The following FBXO10 variants were observed in gnomAD, a reference collection of about 807,000 sequenced individuals.
FBXO10 encodes F-box only protein 10.
In FBXO10, 39 loss-of-function variants were observed where a neutral mutation model predicts 80.7. The observed-to-expected ratio is 0.48, with a 90% CI of 0.37 to 0.63. The LOEUF (loss-of-function observed/expected upper bound fraction) is 0.63, where lower values mean the gene tolerates loss of function less well. Ranked by LOEUF, FBXO10 falls within the 30% of genes least tolerant of loss-of-function variation. FBXO10 has a pLI of 0.00. For missense variants in FBXO10, 1,025 were observed against 1,269.0 expected (o/e 0.81, Z 2.92); for synonymous variants, 449 against 489.6 (o/e 0.92, Z 1.09).
chr9:37,516,013 G>A lies in FBXO10; in HGVS notation c.2587C>T (p.Gln863Ter), dbSNP rs751192176. The A allele has an allele frequency of 1.2e-6, 2 of 1,614,078 alleles. No individual in the cohort carries two copies. Among genetic ancestry groups the A allele is most frequent in the Non-Finnish European group, 1.7e-6 (2 of 1,179,902 alleles). The change falls in exon 10 of 11, where the codon CAG (glutamine) becomes TAG (stop). Residue 863 changes from glutamine (Q) to a stop codon, truncating the protein, a stop_gained. Transcript: ENST00000432825. LOFTEE classifies it high-confidence loss of function. ...TTGCCCTGGAAGATGATGTTTTCCT[G>A]CACCAGGGCCTTGGCACGGCCCCGC... Reference protein sequence around the residue: ...AVRGRAKALVQENIIFQGKTS... With the variant: ...AVRGRAKALV
At chr9:37,554,591 G>A (rs1179799852) in intron 1 of FBXO10, among the ~76,000 whole-genome samples, 1 of 152,080 alleles carries the variant, frequency 6.6e-6, no homozygotes, top group Non-Finnish European at 1.5e-5. Flanking sequence ...GGCAACCACT[G>A]TTTTCTTTTC....
At chr9:37,569,749 T>C (rs745693078) in intron 1 of FBXO10, among the ~76,000 whole-genome samples, 16 of 152,166 alleles carry the variant, frequency 1.1e-4, no homozygotes, top group Non-Finnish European at 1.6e-4. Context: ...AGCAGGAGGA[T>C]TGCTTGAGCC....
chr9:37,554,894 G>C (rs1050578947), intron 1 of FBXO10, among the ~76,000 whole-genome samples: 1 of 152,186 alleles, frequency 6.6e-6, no homozygotes, highest in Non-Finnish European at 1.5e-5. Context: ...TAATGCTGCT[G>C]TGAATATTCT....
chr9:37,522,843 C>G lies in FBXO10; in HGVS notation c.1912G>C (p.Glu638Gln). The change falls in exon 7 of 11, where the codon GAA (glutamate) becomes CAA (glutamine). Residue 638 changes from glutamate to glutamine, a missense_variant. Physicochemically the swap from Glu to Gln is conservative, Grantham distance 29. Around this residue, in one of 3 missense-constraint regions of FBXO10, gnomAD observed 478 missense variants for 667.8 expected, o/e 0.72. Coordinates refer to ENST00000432825, the MANE Select transcript of FBXO10 (RefSeq NM_012166.3). ...VVGDEGKGLIEGNTIYANKGC... is the reference protein window; with the variant it reads ...VVGDEGKGLIQGNTIYANKGC... ...TCCTCACCGTAGATGGTATTTCCTT[C>G]TATGAGGCCTTTGCCTTCGTCTCCC... The G allele has an allele frequency of 6.4e-7, 1 of 1,552,364 alleles. No homozygotes were observed. The highest frequency in any genetic ancestry group is 1.4e-5 in the African/African-American group (1 of 73,180).
intron 2 of FBXO10, among the ~76,000 whole-genome samples, chr9:37,540,334 C>T (rs147542981): frequency 8.2e-4 from 125 of 152,062 alleles, no homozygotes; most frequent in Non-Finnish European, 1.7e-3. Flanking sequence ...ATTACAGGCA[C>T]CTGCCACCAT....
At chr9:37,543,608 C>T (rs1021441560) in intron 1 of FBXO10, among the ~76,000 whole-genome samples, 2 of 152,206 alleles carry the variant, frequency 1.3e-5, no homozygotes, top group Admixed American at 1.3e-4. Flanking sequence ...TTCTCTATAG[C>T]ACTGCAGGTC....
intron 5 of FBXO10, among the ~76,000 whole-genome samples, chr9:37,527,866 G>GT (rs1420779152): frequency 1.3e-5 from 2 of 152,016 alleles, no homozygotes; most frequent in African/African-American, 4.8e-5. Context: ...ACCACTAATT[G>GT]TTTTTAGTAA....
intron 8 of FBXO10, among the ~76,000 whole-genome samples, chr9:37,520,264 C>T (rs943371707): frequency 1.0e-4 from 14 of 136,182 alleles, no homozygotes; most frequent in Non-Finnish European, 1.7e-4. Flanking sequence ...GTGAACTACA[C>T]AGTAATTATT....
At chr9:37,516,245 G>A (rs1821176469) in intron 9 of FBXO10, among the ~76,000 whole-genome samples, 160 bp from the exon 10 acceptor site, 1 of 151,996 alleles carries the variant, frequency 6.6e-6, no homozygotes, top group Admixed American at 6.5e-5. Context: ...AGAACAGCCT[G>A]GGGGAGCCAG....
chr9:37,561,673 G>A (rs748137924), intron 1 of FBXO10, among the ~76,000 whole-genome samples: 16 of 152,158 alleles, frequency 1.1e-4, no homozygotes, highest in Admixed American at 2.6e-4. Context: ...ACAAACATTC[G>A]TTGATTGCCT....
At chr9:37,515,117 C>T (rs7852508) in intron 10 of FBXO10, 3,502 of 152,340 alleles carry the variant, frequency 0.023, 120 homozygotes, top group African/African-American at 0.08. Context: ...GTGACATTGG[C>T]GGTGCAGGAG....
chr9:37,553,011 G>A (rs1024863531), intron 1 of FBXO10, among the ~76,000 whole-genome samples: 1 of 116,502 alleles, frequency 8.6e-6, no homozygotes, highest in African/African-American at 3.7e-5. Context: ...ACCAATTCAG[G>A]TTGTGTGTGT....
intron 7 of FBXO10, 26 bp downstream of exon 7, chr9:37,522,799 G>T: frequency 6.4e-7 from 1 of 1,550,870 alleles, no homozygotes. Context: ...CTGCCTCCCC[G>T]GCTGGGTTGG....
intron 1 of FBXO10, among the ~76,000 whole-genome samples, chr9:37,562,375 G>C (rs1159753604): frequency 1.3e-5 from 2 of 152,192 alleles, no homozygotes; most frequent in African/African-American, 4.8e-5. Flanking sequence ...GGATCTGTGA[G>C]GGGGCAGAGG....
At chr9:37,551,096 G>A (rs1440746323) in intron 1 of FBXO10, among the ~76,000 whole-genome samples, 1 of 152,198 alleles carries the variant, frequency 6.6e-6, no homozygotes, top group Non-Finnish European at 1.5e-5. Context: ...AAACAGACAA[G>A]AAGAAAAAAG....
intron 1 of FBXO10, among the ~76,000 whole-genome samples, chr9:37,574,284 G>C (rs1822837260): frequency 6.6e-6 from 1 of 152,176 alleles, no homozygotes; most frequent in South Asian, 2.1e-4. Flanking sequence ...AAGGAAAAAA[G>C]GAGGGAGGGA....
chr9:37,541,418 C>T lies in FBXO10; in HGVS notation c.351G>A (p.Glu117=), dbSNP rs376999421. 5 of 1,613,902 alleles carry T rather than the reference C, an allele frequency of 3.1e-6. No individual in the cohort carries two copies. The highest frequency in any genetic ancestry group is 1.7e-5 in the Admixed American group (1 of 60,014). ...CCAAGGCACTGCCCAGGCTGTCAAA[C>T]TCACGGCCTGGCCCAACACTCAGGG... ...RRTLSVGPGR[E]FDSLGSALAM... Residue 117 remains glutamate, a synonymous_variant, in exon 2 of 11, where the codon GAG becomes GAA. Coordinates refer to ENST00000432825, the MANE Select transcript of FBXO10 (RefSeq NM_012166.3).
At chr9:37,535,355 ATTT>A (rs59049731) in intron 3 of FBXO10, among the ~76,000 whole-genome samples, 1 of 145,966 alleles carries the variant, frequency 6.9e-6, no homozygotes, top group African/African-American at 2.5e-5. Context: ...CTTTTTTTTT[ATTT>A]TTTTTTTGGA....
chr9:37,529,264 C>A lies in FBXO10; in HGVS notation c.1570-4G>T, dbSNP rs1422595355. On this transcript the variant is annotated splice_region_variant and splice_polypyrimidine_tract_variant and intron_variant, in intron 4 of 10. Coordinates refer to ENST00000432825, the MANE Select transcript of FBXO10 (RefSeq NM_012166.3). Reference sequence around the variant, plus strand: ...GGCCATGGTGGATCTGGTTACACTGCAAGTGAAAATGAGACACCACAGAAG... The same window carrying A: ...GGCCATGGTGGATCTGGTTACACTGAAAGTGAAAATGAGACACCACAGAAG... 1 of 1,601,796 alleles carries A rather than the reference C, an allele frequency of 6.2e-7. No homozygotes were observed.
Sources: allele counts gnomAD v4.1 joint callset (sites outside exome capture counted in the v4.1 genomes callset), GRCh38; gene constraint gnomAD v4.1.1; regional missense constraint gnomAD v4.1.1; transcripts MANE v1.5; gene names NCBI Gene and HGNC (gene_info 2026-07-23, HGNC 2026-07-21).